Variants in MON2 observed in about 807,000 individuals in gnomAD.
MON2 encodes the protein protein MON2 homolog.
A neutral mutation model predicts 208.6 loss-of-function variants in MON2; 84 were observed. The observed-to-expected ratio is 0.40, with a 90% CI of 0.34 to 0.48. The LOEUF (loss-of-function observed/expected upper bound fraction) is 0.48. Ranked by LOEUF, MON2 falls within the 20% of genes least tolerant of loss-of-function variation. The pLI, the probability that MON2 is intolerant of heterozygous loss-of-function variation, is 0.59. For synonymous variants in MON2, 660 were observed against 694.0 expected (o/e 0.95, Z 0.77); for missense variants, 1,611 against 2,015.4 (o/e 0.80, Z 3.84).
intron 32 of MON2, among the ~76,000 whole-genome samples, chr12:62,585,015 A>G (rs146056686): frequency 6.8e-6 from 1 of 146,760 alleles, no homozygotes; most frequent in East Asian, 2.1e-4. Flanking sequence ...AGTGATGAGG[A>G]TCTTGCCTTG....
chr12:62,578,311 C>A, intron 30 of MON2, 134 bp from the exon 31 acceptor site: 1 of 615,460 alleles, frequency 1.6e-6, no homozygotes, highest in Non-Finnish European at 2.8e-6. Context: ...CAACATTACT[C>A]TTTTAAATAA....
chr12:62,585,482 G>T lies in MON2; in HGVS notation c.4888G>T (p.Gly1630Cys). ...HRYIEDERLS[G>C]KCPLPRQQVT... The stretch of plus-strand genomic sequence containing the variant: ...CTATATAGAGGATGAAAGATTAAGT[G>T]GTAAATGCCCTCTTCCAAGGTATAT... The change falls in exon 33 of 35, where the codon GGT becomes TGT. Residue 1630 changes from glycine (G) to cysteine (C), a missense_variant. Transcript: ENST00000393630. The T allele has an allele frequency of 6.2e-7, 1 of 1,605,196 alleles. No homozygotes were observed. The highest frequency in any genetic ancestry group is 8.5e-7 in the Non-Finnish European group (1 of 1,173,260).
At chr12:62,520,293 A>G (rs1565641026) in intron 8 of MON2, among the ~76,000 whole-genome samples, 1 of 152,196 alleles carries the variant, frequency 6.6e-6, no homozygotes, top group Non-Finnish European at 1.5e-5. Context: ...ACATTTGTTA[A>G]TATCACCACC....
chr12:62,563,070 A>G (rs2074256568), intron 26 of MON2, among the ~76,000 whole-genome samples: 1 of 152,194 alleles, frequency 6.6e-6, no homozygotes, highest in African/African-American at 2.4e-5. Flanking sequence ...GCTGGATACC[A>G]TATCTGCATT....
intron 29 of MON2, among the ~76,000 whole-genome samples, chr12:62,569,466 C>A (rs548875681): frequency 1.3e-5 from 2 of 152,286 alleles, no homozygotes; most frequent in Admixed American, 6.5e-5. Flanking sequence ...CCAGAAAGTT[C>A]TGCTAAGAAT....
intron 29 of MON2, among the ~76,000 whole-genome samples, chr12:62,569,171 C>G (rs1049667577): frequency 1.3e-5 from 2 of 152,138 alleles, no homozygotes; most frequent in African/African-American, 4.8e-5. Flanking sequence ...TTGAATGGAT[C>G]TGCTATGCTT....
chr12:62,476,306 A>G (rs529082416), intron 1 of MON2, among the ~76,000 whole-genome samples: 2 of 152,316 alleles, frequency 1.3e-5, no homozygotes, highest in African/African-American at 2.4e-5. Flanking sequence ...AAGTACTCCC[A>G]GTGTACACTT....
chr12:62,470,632 A>C (rs2068749527), intron 1 of MON2: 1 of 661,672 alleles, frequency 1.5e-6, no homozygotes, highest in Non-Finnish European at 2.0e-6. Flanking sequence ...CTTTAGAGGA[A>C]GACAACTCTG....
intron 32 of MON2, among the ~76,000 whole-genome samples, chr12:62,581,790 A>G (rs1336065434): frequency 6.6e-6 from 1 of 152,092 alleles, no homozygotes; most frequent in Non-Finnish European, 1.5e-5. Context: ...GGATCACACT[A>G]CTGCACTCCA....
rs1435643210 is a variant in MON2 at position 62,532,554 on chromosome 12, A to C, written c.1517A>C (p.Glu506Ala). 2 of 1,614,036 alleles carry C rather than the reference A, an allele frequency of 1.2e-6. No homozygotes were observed. Among genetic ancestry groups the C allele is most frequent in the South Asian group, 2.2e-5 (2 of 91,086 alleles). ...GGAATCACAAGTATGATTGAAGGAG[A>C]GCTAGGAGAGCTTGAAACAGAATGT... ...VRGITSMIEG[E>A]LGELETECQT... The change falls in exon 12 of 35, where the codon GAG becomes GCG. Residue 506 changes from glutamate (E) to alanine (A), a missense_variant. Glu to Ala is a moderately radical substitution (Grantham distance 107). Coordinates refer to ENST00000393630, the MANE Select transcript of MON2 (RefSeq NM_015026.3).
chr12:62,560,910 A>G lies in MON2; in HGVS notation c.3829A>G (p.Ile1277Val). ...IPSQPFLTAL[I>V]QIFPALYQHI... ...TAGCCAGCCTTTTCTTACAGCTTTA[A>G]TTCAGATATTTCCAGCTCTCTACCA... The change falls in exon 26 of 35, where the codon ATT (isoleucine) becomes GTT (valine). Residue 1277 changes from isoleucine to valine, a missense_variant. Physicochemically the swap from Ile to Val is conservative, Grantham distance 29. Coordinates refer to ENST00000393630, the MANE Select transcript of MON2 (RefSeq NM_015026.3). 1 of 1,613,928 alleles carries G rather than the reference A, an allele frequency of 6.2e-7. No individual in the cohort carries two copies. Among genetic ancestry groups the G allele is most frequent in the Non-Finnish European group, 8.5e-7 (1 of 1,179,828 alleles).
chr12:62,555,722 T>C (rs2073938665), intron 24 of MON2, among the ~76,000 whole-genome samples: 1 of 149,530 alleles, frequency 6.7e-6, no homozygotes, highest in African/African-American at 2.5e-5. Flanking sequence ...GGCAGGAGAA[T>C]CACTTGGACC....
At chr12:62,552,112 A>G (rs1193102126) in intron 23 of MON2, among the ~76,000 whole-genome samples, 1 of 152,226 alleles carries the variant, frequency 6.6e-6, no homozygotes, top group Admixed American at 6.5e-5. Context: ...CAAAGTATAC[A>G]GGAGGATGTG....
intron 14 of MON2, among the ~76,000 whole-genome samples, chr12:62,536,556 C>G (rs577747330): frequency 6.4e-4 from 97 of 152,130 alleles, no homozygotes; most frequent in Non-Finnish European, 1.1e-3. Context: ...GTTTAAAATA[C>G]TTAGAATGTG....
intron 2 of MON2, chr12:62,490,024 C>G (rs1256169056): frequency 1.3e-5 from 16 of 1,209,934 alleles, no homozygotes; most frequent in Non-Finnish European, 1.7e-5. Flanking sequence ...TAGTTTAATT[C>G]TTTTTTTCCA....
At position 62,467,029 on chromosome 12, in the gene MON2, T is replaced by A; in HGVS notation, c.-179T>A. The A allele has an allele frequency of 1.3e-5, 6 of 461,116 alleles. No individual in the cohort carries two copies. The highest frequency in any genetic ancestry group is 2.3e-5 in the Non-Finnish European group (6 of 265,064). The allele number at this position is 461,116 out of a possible 1,614,324, so 28.6% of individuals were successfully genotyped here. A position where few individuals can be genotyped will look rare whatever the true frequency, so the allele number is the denominator to read the frequency against. ...GGGCGCCTCCGAGAAAAGCCAGAGG[T>A]GTTGCGGGGAAGCTGCTGGGGGACG... On this transcript the variant is annotated 5_prime_UTR_variant, in exon 1 of 35. Coordinates refer to ENST00000393630, the MANE Select transcript of MON2 (RefSeq NM_015026.3).
rs750253845 is a variant in MON2, at chr12:62,560,533, A to G, written c.3452A>G (p.Gln1151Arg). Residue 1151 changes from glutamine to arginine, a missense_variant, in exon 26 of 35, where the codon CAG becomes CGG. By Grantham distance (43) the Gln-to-Arg change is conservative. Transcript: ENST00000393630. The stretch of plus-strand genomic sequence containing the variant: ...TGGGATGTTCTTCTTGACCATATAC[A>G]GTCAGCAGCACTCAGCAAAAACAAT... ...RAWDVLLDHI[Q>R]SAALSKNNEV... The G allele has an allele frequency of 5.6e-6, 9 of 1,613,666 alleles. No homozygotes were observed. Among genetic ancestry groups the G allele is most frequent in the Non-Finnish European group, 6.8e-6 (8 of 1,179,904 alleles).
intron 34 of MON2, among the ~76,000 whole-genome samples, chr12:62,592,069 C>T (rs76270517): frequency 1.3e-5 from 2 of 152,096 alleles, no homozygotes; most frequent in East Asian, 3.9e-4. Context: ...TAATGATATA[C>T]ATTAAAGATT....
intron 31 of MON2, among the ~76,000 whole-genome samples, chr12:62,579,731 A>G (rs2074934588): frequency 1.3e-5 from 2 of 152,126 alleles, no homozygotes; most frequent in South Asian, 4.1e-4. Context: ...ATTTCAAAAT[A>G]AATAAATAAA....
Sources: gnomAD v4.1 joint callset for allele counts (sites outside exome capture counted in the v4.1 genomes callset) on GRCh38, gnomAD v4.1.1 for gene constraint, MANE v1.5 for transcripts, NCBI Gene and HGNC (gene_info 2026-07-23, HGNC 2026-07-21) for gene names.